Variants in VWA5B1 observed in about 807,000 individuals in gnomAD.
VWA5B1 encodes von Willebrand factor A domain containing 5B1.
A neutral mutation model predicts 118.2 loss-of-function variants in VWA5B1; 115 were observed. The observed-to-expected ratio is 0.97, with a 90% CI of 0.84 to 1.14. The LOEUF (loss-of-function observed/expected upper bound fraction) is 1.14. Ranked by LOEUF, VWA5B1 falls within the 50% of genes most tolerant of loss-of-function variation. VWA5B1 has a pLI of 0.00. For synonymous variants in VWA5B1, 682 were observed against 658.4 expected, an observed-to-expected ratio of 1.04 and a Z score of -0.55; for missense variants, 1,596 against 1,603.8, an observed-to-expected ratio of 1.00 and a Z score of 0.08.
intron 21 of VWA5B1, among the ~76,000 whole-genome samples, chr1:20,353,450 G>T (rs2101028986): frequency 6.6e-6 from 1 of 152,296 alleles, no homozygotes; most frequent in East Asian, 1.9e-4. Context: ...GGTTACACAG[G>T]GAGAAAGAGG....
chr1:20,296,665 G>A (rs1481045625), intron 1 of VWA5B1, among the ~76,000 whole-genome samples: 1 of 152,186 alleles, frequency 6.6e-6, no homozygotes, highest in Non-Finnish European at 1.5e-5. Flanking sequence ...TGAAAGTTTT[G>A]GCACATGGTT....
chr1:20,306,855 T>A (rs1266292582), intron 1 of VWA5B1, among the ~76,000 whole-genome samples: 1 of 152,124 alleles, frequency 6.6e-6, no homozygotes, highest in East Asian at 1.9e-4. Flanking sequence ...GAGCCTCAAA[T>A]CATTCCAATC....
intron 19 of VWA5B1, 83 bp from the exon 20 acceptor site, chr1:20,350,756 AGCACCTGCCCCTCTCTAG>A: frequency 8.8e-7 from 1 of 1,134,560 alleles, no homozygotes; most frequent in Non-Finnish European, 1.3e-6. Flanking sequence ...AACTTAGCTA[AGCACCTGCCCCTCTCTAG>A]GCCTCTGTTC....
At chr1:20,328,543 G>A (rs1180594306) in intron 9 of VWA5B1, among the ~76,000 whole-genome samples, 1 of 152,040 alleles carries the variant, frequency 6.6e-6, no homozygotes, top group South Asian at 2.1e-4. Flanking sequence ...GAGGGAGGGA[G>A]GAAGGAAGGA....
chr1:20,304,344 G>A (rs1454847751), intron 1 of VWA5B1, among the ~76,000 whole-genome samples: 1 of 152,138 alleles, frequency 6.6e-6, no homozygotes, highest in African/African-American at 2.4e-5. Flanking sequence ...AGGCAAAAGA[G>A]GCAAAGGGAG....
chr1:20,345,529 C>T lies in VWA5B1; in HGVS notation c.2700C>T (p.Ala900=). 1 of 1,551,272 alleles carries T rather than the reference C, an allele frequency of 6.4e-7. No homozygotes were observed. The highest frequency in any genetic ancestry group is 1.2e-5 in the South Asian group (1 of 84,058). ...KACNIISKYT[A]FVPVDVSKSR... is the part of the protein sequence containing the mutation. ...GCAACATCATTAGCAAATACACAGC[C>T]TTCGTGCCTGTGGACGTGAGCAAGA... is the stretch of plus-strand genomic sequence containing the variant. Residue 900 remains alanine, a synonymous_variant, in exon 17 of 22, where the codon GCC becomes GCT. Transcript: ENST00000289815.
intron 16 of VWA5B1, among the ~76,000 whole-genome samples, chr1:20,344,639 G>A (rs1032116417): frequency 2.0e-5 from 3 of 152,224 alleles, no homozygotes; most frequent in African/African-American, 7.2e-5. Context: ...ACTTTACTGA[G>A]AAAGTGACTG....
At chr1:20,341,257 C>T (rs527384971) in intron 14 of VWA5B1, among the ~76,000 whole-genome samples, 1 of 152,222 alleles carries the variant, frequency 6.6e-6, no homozygotes, top group Non-Finnish European at 1.5e-5. Flanking sequence ...AACAATACTG[C>T]AACAAGTATA....
chr1:20,351,377 G>A (rs1358664850), intron 20 of VWA5B1, among the ~76,000 whole-genome samples: 2 of 152,168 alleles, frequency 1.3e-5, no homozygotes, highest in African/African-American at 4.8e-5. Flanking sequence ...AAATAGGCCA[G>A]GCATGGTGGC....
chr1:20,358,803 A>G lies in VWA5B1; in HGVS notation c.*4540A>G, dbSNP rs114193560. On this transcript the variant is annotated 3_prime_UTR_variant, in exon 22 of 22. Transcript: ENST00000289815. ...AAGATGGACACATTCTTCAGCTGTA[A>G]CATAGCATGCTCTGCAAAGCCAGTG... Among the ~76,000 whole-genome samples the G allele has an allele frequency of 2.4e-3, 372 of 152,364 alleles. 2 individuals are homozygous for G. Among genetic ancestry groups the G allele is most frequent in the African/African-American group, 8.2e-3 (340 of 41,592 alleles).
At chr1:20,326,119 T>A (rs76079935) in intron 8 of VWA5B1, among the ~76,000 whole-genome samples, 5,397 of 152,202 alleles carry the variant, frequency 0.035, 113 homozygotes, top group Middle Eastern at 0.061. Flanking sequence ...AATGAAAAAA[T>A]AAGCAGACAT....
At chr1:20,332,664 C>T in intron 11 of VWA5B1, 102 bp from the exon 12 acceptor site, 1 of 1,311,912 alleles carries the variant, frequency 7.6e-7, no homozygotes, top group Admixed American at 2.2e-5. Context: ...CTACTGTCCC[C>T]TCTTCCCTGC....
chr1:20,309,907 CTGTGTGTGTGTGTGTGTGTGTG>C (rs59044353), intron 1 of VWA5B1, among the ~76,000 whole-genome samples: 3 of 85,454 alleles, frequency 3.5e-5, no homozygotes, highest in Admixed American at 1.5e-4. Context: ...GATGGATTGG[CTGTGTGTGTGTGTGTGTGTGTG>C]TGTGTGTGTG....
At chr1:20,301,963 G>A (rs143968059) in intron 1 of VWA5B1, among the ~76,000 whole-genome samples, 11 of 152,242 alleles carry the variant, frequency 7.2e-5, no homozygotes, top group East Asian at 3.9e-4. Context: ...CCACTTCCTC[G>A]TTGATCTAAT....
At chr1:20,300,820 C>G (rs911035879) in intron 1 of VWA5B1, among the ~76,000 whole-genome samples, 3 of 152,204 alleles carry the variant, frequency 2.0e-5, no homozygotes, top group Non-Finnish European at 4.4e-5. Context: ...GACCCCTACC[C>G]CAGGGTCTTA....
intron 9 of VWA5B1, among the ~76,000 whole-genome samples, chr1:20,329,404 G>T (rs2089482367): frequency 6.9e-6 from 1 of 145,560 alleles, no homozygotes; most frequent in Non-Finnish European, 1.5e-5. Flanking sequence ...TGCCTCTCAG[G>T]TTCAAGCGAT....
intron 13 of VWA5B1, 106 bp from the exon 14 acceptor site, chr1:20,337,540 C>G (rs1283009825): frequency 7.8e-7 from 1 of 1,285,412 alleles, no homozygotes; most frequent in East Asian, 2.6e-5. Flanking sequence ...TTTCAGTAGG[C>G]AAGAGGTGGA....
intron 2 of VWA5B1, among the ~76,000 whole-genome samples, 197 bp downstream of exon 2, chr1:20,310,937 G>A (rs115702197): frequency 1.3e-5 from 2 of 152,334 alleles, no homozygotes; most frequent in African/African-American, 4.8e-5. Flanking sequence ...GATTTGAGCT[G>A]AGGAGGTTTG....
chr1:20,298,309 A>G (rs1405554781), intron 1 of VWA5B1, among the ~76,000 whole-genome samples: 2 of 152,060 alleles, frequency 1.3e-5, no homozygotes, highest in Non-Finnish European at 2.9e-5. Flanking sequence ...GCCCAGTCTC[A>G]GTGGTGAATC....
Sources: gnomAD v4.1 joint callset for allele counts (sites outside exome capture counted in the v4.1 genomes callset) on GRCh38, gnomAD v4.1.1 for gene constraint, MANE v1.5 for transcripts, NCBI Gene and HGNC (gene_info 2026-07-23, HGNC 2026-07-21) for gene names.